Variants in PHTF2 observed in about 807,000 individuals in gnomAD.
The protein encoded by PHTF2 is protein PHTF2.
A neutral mutation model predicts 101.2 loss-of-function variants in PHTF2; 60 were observed. That is an observed-to-expected ratio of 0.59 (90% CI 0.48 to 0.73). PHTF2 has a LOEUF of 0.73. PHTF2 is among the 30% of genes least tolerant of loss of function. The probability of loss-of-function intolerance (pLI) is 0.00; values close to 1 mark genes in which losing one functional copy is unlikely to be tolerated. For missense variants in PHTF2, 747 were observed against 908.7 expected (o/e 0.82, Z 2.29); for synonymous variants, 311 against 307.3 (o/e 1.01, Z -0.13).
chr7:77,812,146 A>G (rs952607772), intron 1 of PHTF2, among the ~76,000 whole-genome samples: 1 of 152,216 alleles, frequency 6.6e-6, no homozygotes. Flanking sequence ...ATCATGTTAT[A>G]TGAAGAACAG....
Position 77,928,047 on chromosome 7 carries a change from G to A in PHTF2, c.1120-1062G>A, listed in dbSNP as rs566806294. ...TGGAAAGAAGAGGAAGGCCTTTTAG[G>A]CAAAGATCAATTAGGAGGTGCTTAT... On this transcript the variant is annotated intron_variant, in intron 11 of 19. Transcript: ENST00000416283. Among the ~76,000 whole-genome samples the A allele has an allele frequency of 6.6e-5, 10 of 152,254 alleles. No individual in the cohort carries two copies. In the East Asian group the frequency reaches 1.9e-3, roughly 29 times the overall value.
chr7:77,895,675 C>G (rs1037047269), intron 5 of PHTF2, among the ~76,000 whole-genome samples: 1 of 152,042 alleles, frequency 6.6e-6, no homozygotes, highest in Non-Finnish European at 1.5e-5. Flanking sequence ...ACTTATGTAA[C>G]CTCCTCTTTT....
intron 1 of PHTF2, among the ~76,000 whole-genome samples, chr7:77,819,841 C>G (rs1794136450): frequency 6.6e-6 from 1 of 152,092 alleles, no homozygotes; most frequent in African/African-American, 2.4e-5. Flanking sequence ...CAGTAAAATT[C>G]AGCTGTGAAG....
chr7:77,900,750 C>T, exon 6 of PHTF2: 3 of 1,574,174 alleles, frequency 1.9e-6, no homozygotes, highest in South Asian at 1.1e-5. Context: ...ACATGTGAAA[C>T]CAGACCTCAT....
intron 1 of PHTF2, among the ~76,000 whole-genome samples, chr7:77,803,292 C>CTGT (rs1300600791): frequency 1.3e-5 from 2 of 152,150 alleles, no homozygotes; most frequent in African/African-American, 4.8e-5. Context: ...GTTGCAAAAA[C>CTGT]AGTACAAGAA....
At chr7:77,954,612 G>GTGTGTATATATATATATATATATATA (rs1426693429) in intron 19 of PHTF2, among the ~76,000 whole-genome samples, 6 of 90,196 alleles carry the variant, frequency 6.7e-5, no homozygotes, top group African/African-American at 1.9e-4. Context: ...CAAGTACTGT[G>GTGTGTATATATATATATATATATATA]TATATATATA....
chr7:77,809,643 G>T (rs1386645260), intron 1 of PHTF2, among the ~76,000 whole-genome samples: 1 of 152,092 alleles, frequency 6.6e-6, no homozygotes, highest in Non-Finnish European at 1.5e-5. Context: ...TTCCTTAAGG[G>T]TATAATAATT....
intron 5 of PHTF2, among the ~76,000 whole-genome samples, chr7:77,896,763 T>C (rs1411426877): frequency 6.6e-6 from 1 of 152,196 alleles, no homozygotes; most frequent in African/African-American, 2.4e-5. Flanking sequence ...AATGTTAATA[T>C]TTGATTAAGA....
intron 2 of PHTF2, among the ~76,000 whole-genome samples, chr7:77,842,554 G>A (rs1166831037): frequency 6.6e-6 from 1 of 151,446 alleles, no homozygotes; most frequent in Admixed American, 6.6e-5. Flanking sequence ...AAGGATTATT[G>A]CAAAAAAAAA....
chr7:77,836,220 T>G (rs1342256646), intron 1 of PHTF2, among the ~76,000 whole-genome samples: 1 of 152,064 alleles, frequency 6.6e-6, no homozygotes, highest in Non-Finnish European at 1.5e-5. Context: ...CCTTGTCATC[T>G]TCACACTGAA....
chr7:77,937,645 T>G, intron 12 of PHTF2, 65 bp from the exon 12 acceptor site: 1 of 583,856 alleles, frequency 1.7e-6, no homozygotes, highest in Non-Finnish European at 2.7e-6. Flanking sequence ...TATACAACTT[T>G]ATATACACAC....
At chr7:77,920,582 G>A in intron 10 of PHTF2, 117 bp downstream of exon 9, 1 of 725,476 alleles carries the variant, frequency 1.4e-6, no homozygotes, top group Non-Finnish European at 2.4e-6. Context: ...AATTCTGTGA[G>A]CGTTTATAAC....
At chr7:77,949,537 T>C (rs1170953970) in intron 16 of PHTF2, 141 bp from the exon 16 acceptor site, 5 of 568,156 alleles carry the variant, frequency 8.8e-6, no homozygotes, top group Non-Finnish European at 1.5e-5. Context: ...ATACTTTTGA[T>C]ATGCTTAAAA....
intron 12 of PHTF2, among the ~76,000 whole-genome samples, chr7:77,930,726 G>A (rs1473154144): frequency 6.6e-6 from 1 of 152,152 alleles, no homozygotes; most frequent in East Asian, 1.9e-4. Flanking sequence ...CTTGGTAAAG[G>A]TTCTCTTCCT....
chr7:77,859,951 T>C (rs1400749140), intron 3 of PHTF2, among the ~76,000 whole-genome samples: 1 of 152,206 alleles, frequency 6.6e-6, no homozygotes, highest in Non-Finnish European at 1.5e-5. Context: ...TCAGTTCTTA[T>C]TAAATAGATA....
At chr7:77,933,390 G>C (rs115048083) in intron 12 of PHTF2, among the ~76,000 whole-genome samples, 366 of 152,330 alleles carry the variant, frequency 2.4e-3, no homozygotes, top group African/African-American at 8.5e-3. Flanking sequence ...ATAAATTTAA[G>C]GATAGGTGTG....
At chr7:77,895,239 T>C (rs1800776952) in intron 5 of PHTF2, 1 of 437,270 alleles carries the variant, frequency 2.3e-6, no homozygotes, top group Non-Finnish European at 4.6e-6. Flanking sequence ...TAAAACATTA[T>C]ATAGATATAG....
chr7:77,953,723 T>C (rs755707946), intron 18 of PHTF2, 46 bp from the exon 18 acceptor site: 2 of 1,570,498 alleles, frequency 1.3e-6, no homozygotes, highest in South Asian at 2.3e-5. Context: ...ATTAGCTTAG[T>C]AATTCTTTTT....
intron 1 of PHTF2, among the ~76,000 whole-genome samples, chr7:77,809,224 G>GTTTT (rs34141515): frequency 7.1e-5 from 7 of 98,476 alleles, no homozygotes; most frequent in East Asian, 5.3e-4. Flanking sequence ...CCAGTTCGTT[G>GTTTT]TTTTTTTTTT....
Sources: allele counts gnomAD v4.1 joint callset (sites outside exome capture counted in the v4.1 genomes callset), GRCh38; gene constraint gnomAD v4.1.1; transcripts MANE v1.5; gene names NCBI Gene and HGNC (gene_info 2026-07-23, HGNC 2026-07-21).